Variants in GPM6A observed in about 807,000 individuals in gnomAD.
GPM6A encodes the protein glycoprotein M6A, also known as neuronal membrane glycoprotein M6-a.
In GPM6A, 7 loss-of-function variants were observed where a neutral mutation model predicts 32.1. That is an observed-to-expected ratio of 0.22 (90% CI 0.12 to 0.41). The LOEUF is 0.41. GPM6A is among the 10% of genes least tolerant of loss of function. GPM6A has a pLI of 1.00. For missense variants in GPM6A, 235 were observed against 347.2 expected, an observed-to-expected ratio of 0.68 and a Z score of 2.57; for synonymous variants, 130 against 123.4, an observed-to-expected ratio of 1.05 and a Z score of -0.35.
chr4:175,861,857 T>C (rs1347058345), intron 1 of GPM6A, among the ~76,000 whole-genome samples: 1 of 151,824 alleles, frequency 6.6e-6, no homozygotes, highest in Non-Finnish European at 1.5e-5. Context: ...AAGGTTGTTT[T>C]CCAAATTTAT....
At chr4:175,656,851 G>C (rs115825528) in intron 3 of GPM6A, among the ~76,000 whole-genome samples, 3,889 of 152,224 alleles carry the variant, frequency 0.026, 65 homozygotes, top group Non-Finnish European at 0.04. Context: ...GACTCTGATT[G>C]CACAAGTCTC....
chr4:175,915,228 T>A (rs7693310), intron 1 of GPM6A, among the ~76,000 whole-genome samples: 145,774 of 152,144 alleles, frequency 0.96, 70,153 homozygotes, highest in East Asian at 1. Flanking sequence ...TAATCAACTA[T>A]GGAGAAATAT....
At chr4:175,717,150 C>G (rs559607149) in intron 1 of GPM6A, among the ~76,000 whole-genome samples, 14 of 152,258 alleles carry the variant, frequency 9.2e-5, no homozygotes, top group African/African-American at 3.1e-4. Context: ...TCACTGCACA[C>G]CAGCTACATT....
intron 1 of GPM6A, among the ~76,000 whole-genome samples, chr4:175,845,898 C>T (rs1238202052): frequency 1.3e-5 from 2 of 151,994 alleles, no homozygotes; most frequent in Non-Finnish European, 2.9e-5. Flanking sequence ...AATCTGCCTC[C>T]AAGCTGCCTT....
intron 1 of GPM6A, among the ~76,000 whole-genome samples, chr4:175,992,556 A>T (rs1347544645): frequency 1.3e-5 from 2 of 152,200 alleles, no homozygotes; most frequent in African/African-American, 4.8e-5. Flanking sequence ...GAGCTGAGTG[A>T]AATCTTACAG....
chr4:175,745,237 C>G (rs2581754), intron 1 of GPM6A, among the ~76,000 whole-genome samples: 62,262 of 151,958 alleles, frequency 0.41, 13,619 homozygotes, highest in East Asian at 0.92. Flanking sequence ...TTTTAAACAT[C>G]GCCTAAGACT....
At chr4:175,733,314 T>C (rs1731513375) in intron 1 of GPM6A, among the ~76,000 whole-genome samples, 1 of 151,882 alleles carries the variant, frequency 6.6e-6, no homozygotes, top group South Asian at 2.1e-4. Context: ...CCATCCTGGC[T>C]AACACAGTGA....
intron 1 of GPM6A, among the ~76,000 whole-genome samples, chr4:175,919,777 C>T (rs1738607703): frequency 6.6e-6 from 1 of 152,188 alleles, no homozygotes; most frequent in Admixed American, 6.5e-5. Context: ...AAGTTATGGA[C>T]AAGGAGCTCT....
At chr4:175,834,497 T>C (rs919216584) in intron 1 of GPM6A, among the ~76,000 whole-genome samples, 25 of 152,202 alleles carry the variant, frequency 1.6e-4, no homozygotes, top group Non-Finnish European at 2.9e-4. Context: ...GATTTTCTCT[T>C]CTTTACTCCT....
At chr4:175,673,582 G>T in intron 3 of GPM6A, 98 bp downstream of exon 3, 1 of 799,552 alleles carries the variant, frequency 1.3e-6, no homozygotes, top group Non-Finnish European at 1.9e-6. Flanking sequence ...GTTACTGTGT[G>T]AAAAAAAAAT....
chr4:175,932,288 G>A (rs1006962462), intron 1 of GPM6A, among the ~76,000 whole-genome samples: 1 of 152,022 alleles, frequency 6.6e-6, no homozygotes, highest in Admixed American at 6.6e-5. Context: ...GGGGATTAAG[G>A]CTCTTATAAA....
chr4:175,843,807 C>A (rs1736009944), intron 1 of GPM6A, among the ~76,000 whole-genome samples: 1 of 152,150 alleles, frequency 6.6e-6, no homozygotes, highest in Admixed American at 6.5e-5. Context: ...TGGATACAGT[C>A]ATGACTAATG....
At chr4:175,853,190 A>C (rs1475197260) in intron 1 of GPM6A, among the ~76,000 whole-genome samples, 1 of 152,160 alleles carries the variant, frequency 6.6e-6, no homozygotes, top group Non-Finnish European at 1.5e-5. Context: ...AGATTAAAAT[A>C]CTTTATGAAT....
intron 1 of GPM6A, among the ~76,000 whole-genome samples, chr4:175,841,150 G>A (rs1307205102): frequency 1.1e-4 from 17 of 152,038 alleles, no homozygotes; most frequent in Non-Finnish European, 1.5e-5. Flanking sequence ...GAATATGTAG[G>A]CCAAGGTTGC....
chr4:175,848,480 G>A (rs75804805), intron 1 of GPM6A, among the ~76,000 whole-genome samples: 2,435 of 152,096 alleles, frequency 0.016, 59 homozygotes, highest in African/African-American at 0.055. Context: ...ATACATTACC[G>A]AAAATTCTGG....
At chr4:175,868,533 A>G (rs984895771) in intron 1 of GPM6A, among the ~76,000 whole-genome samples, 3 of 152,120 alleles carry the variant, frequency 2.0e-5, no homozygotes, top group African/African-American at 7.2e-5. Flanking sequence ...CTTTTCATTC[A>G]ATTTCAAATT....
intron 2 of GPM6A, among the ~76,000 whole-genome samples, chr4:175,695,957 G>A (rs980278011): frequency 2.6e-5 from 4 of 152,108 alleles, no homozygotes; most frequent in African/African-American, 9.7e-5. Flanking sequence ...TCTGGAGATA[G>A]TGAGTGAGTG....
chr4:175,929,992 A>G (rs1560998672), intron 1 of GPM6A, among the ~76,000 whole-genome samples: 1 of 152,136 alleles, frequency 6.6e-6, no homozygotes, highest in Non-Finnish European at 1.5e-5. Context: ...TCCTGTCTCC[A>G]AAGAACTTAT....
At chr4:175,904,536 A>G (rs10026458) in intron 1 of GPM6A, among the ~76,000 whole-genome samples, 110,779 of 151,984 alleles carry the variant, frequency 0.73, 40,651 homozygotes, top group African/African-American at 0.76. Context: ...TTTTTCTAAA[A>G]AAATAAGACC....
Sources: gnomAD v4.1 joint callset for allele counts (sites outside exome capture counted in the v4.1 genomes callset) on GRCh38, gnomAD v4.1.1 for gene constraint, MANE v1.5 for transcripts, NCBI Gene and HGNC (gene_info 2026-07-23, HGNC 2026-07-21) for gene names.